Variants in RAB31 observed in about 807,000 individuals in gnomAD.
RAB31 encodes ras-related protein Rab-31.
A neutral mutation model predicts 25.6 loss-of-function variants in RAB31; 21 were observed. The ratio of observed to expected loss-of-function variants is 0.82; its 90% CI spans 0.58 to 1.18. The LOEUF is 1.18. Among genes scored for constraint, RAB31 ranks in the 50% most tolerant of loss-of-function variants. The probability of loss-of-function intolerance (pLI) is 0.00; values close to 1 mark genes in which losing one functional copy is unlikely to be tolerated. For missense variants in RAB31, 196 were observed against 250.1 expected (o/e 0.78, Z 1.46); for synonymous variants, 87 against 84.0 (o/e 1.04, Z -0.20).
At chr18:9,778,678 C>T (rs943493481) in intron 2 of RAB31, among the ~76,000 whole-genome samples, 5 of 152,128 alleles carry the variant, frequency 3.3e-5, no homozygotes, top group Admixed American at 6.5e-5. Flanking sequence ...ACCATGTTGG[C>T]CAGGCTGGTC....
chr18:9,729,926 A>G (rs2068114305), intron 1 of RAB31, among the ~76,000 whole-genome samples: 1 of 152,248 alleles, frequency 6.6e-6, no homozygotes, highest in East Asian at 1.9e-4. Flanking sequence ...ATTCTGTTGC[A>G]TAAAAAGAAT....
intron 1 of RAB31, among the ~76,000 whole-genome samples, chr18:9,763,973 T>C (rs1246911911): frequency 6.6e-6 from 1 of 152,160 alleles, no homozygotes; most frequent in Non-Finnish European, 1.5e-5. Context: ...AAATCTGATA[T>C]GAAATTAGAG....
intron 3 of RAB31, among the ~76,000 whole-genome samples, chr18:9,806,704 C>G (rs904400324): frequency 6.6e-6 from 1 of 152,148 alleles, no homozygotes; most frequent in African/African-American, 2.4e-5. Context: ...ATCAATCACT[C>G]TGATGTTCAG....
intron 1 of RAB31, among the ~76,000 whole-genome samples, chr18:9,773,040 T>C (rs1187326458): frequency 1.3e-5 from 2 of 152,198 alleles, no homozygotes; most frequent in Non-Finnish European, 2.9e-5. Context: ...CTTTGAACTC[T>C]GTGCATCGAT....
intron 1 of RAB31, among the ~76,000 whole-genome samples, chr18:9,769,555 T>G (rs552047865): frequency 6.6e-6 from 1 of 152,374 alleles, no homozygotes; most frequent in South Asian, 2.1e-4. Flanking sequence ...GAGACTTTGC[T>G]GAAGTTGCTT....
intron 5 of RAB31, among the ~76,000 whole-genome samples, chr18:9,839,252 G>A (rs2068720234): frequency 6.6e-6 from 1 of 152,194 alleles, no homozygotes; most frequent in Admixed American, 6.5e-5. Context: ...AGAAGTGGGT[G>A]CAAGAACCCA....
intron 1 of RAB31, among the ~76,000 whole-genome samples, chr18:9,714,916 C>T (rs1275423582): frequency 1.3e-5 from 2 of 152,202 alleles, no homozygotes; most frequent in East Asian, 3.8e-4. Context: ...TACTGACTGT[C>T]ATCCCGCTTA....
At chr18:9,755,313 A>AT (rs1448602341) in intron 1 of RAB31, among the ~76,000 whole-genome samples, 2 of 152,030 alleles carry the variant, frequency 1.3e-5, no homozygotes, top group Non-Finnish European at 2.9e-5. Context: ...CTTAGTCACC[A>AT]TTTTTTACTG....
intron 5 of RAB31, among the ~76,000 whole-genome samples, chr18:9,841,621 A>G (rs1162943724): frequency 6.6e-6 from 1 of 152,070 alleles, no homozygotes; most frequent in Non-Finnish European, 1.5e-5. Context: ...AAATAGAATA[A>G]GTGTTCCCAT....
At chr18:9,742,345 A>G (rs1462265500) in intron 1 of RAB31, among the ~76,000 whole-genome samples, 1 of 152,174 alleles carries the variant, frequency 6.6e-6, no homozygotes, top group Non-Finnish European at 1.5e-5. Flanking sequence ...CCTGGCAGGA[A>G]CAGTCCTCCC....
chr18:9,716,300 A>T (rs993527350), intron 1 of RAB31, among the ~76,000 whole-genome samples: 68 of 151,864 alleles, frequency 4.5e-4, no homozygotes, highest in African/African-American at 1.5e-3. Flanking sequence ...GGCGATCTCG[A>T]GTGGTCTTAT....
chr18:9,814,455 G>A (rs996911614), intron 4 of RAB31, among the ~76,000 whole-genome samples: 3 of 152,266 alleles, frequency 2.0e-5, no homozygotes, highest in African/African-American at 7.2e-5. Flanking sequence ...TAACATTCGT[G>A]TGTATGTAAG....
At chr18:9,713,197 G>A (rs1034084804) in intron 1 of RAB31, among the ~76,000 whole-genome samples, 8 of 152,232 alleles carry the variant, frequency 5.3e-5, no homozygotes, top group Non-Finnish European at 1.0e-4. Flanking sequence ...GTGGAAGGAA[G>A]TAATGCATAG....
chr18:9,811,984 A>G (rs948457274), intron 3 of RAB31, among the ~76,000 whole-genome samples: 1 of 152,230 alleles, frequency 6.6e-6, no homozygotes, highest in Admixed American at 6.5e-5. Context: ...GGAGCTGGGA[A>G]GTCCAAGATC....
At chr18:9,818,547 T>C (rs2068610601) in intron 5 of RAB31, among the ~76,000 whole-genome samples, 1 of 152,224 alleles carries the variant, frequency 6.6e-6, no homozygotes. Context: ...GAATAATATT[T>C]CATTGTATGG....
intron 1 of RAB31, among the ~76,000 whole-genome samples, chr18:9,753,739 T>C (rs1351298556): frequency 6.6e-6 from 1 of 152,200 alleles, no homozygotes; most frequent in East Asian, 1.9e-4. Context: ...ACCCCATTTC[T>C]ACAAGTAGCG....
chr18:9,829,468 T>C (rs2068666610), intron 5 of RAB31, among the ~76,000 whole-genome samples: 2 of 152,240 alleles, frequency 1.3e-5, no homozygotes, highest in Admixed American at 1.3e-4. Context: ...TATTGGTGGA[T>C]ATTTGAGTTA....
chr18:9,752,307 C>T (rs1416300694), intron 1 of RAB31, among the ~76,000 whole-genome samples: 1 of 152,142 alleles, frequency 6.6e-6, no homozygotes, highest in African/African-American at 2.4e-5. Flanking sequence ...TCACTACAAC[C>T]TGTGCCTCCT....
Position 9,791,342 on chromosome 18 carries a change from TG to T in RAB31, c.120-807del, listed in dbSNP as rs1161518716. 5.9e-5 allele frequency among the ~76,000 whole-genome samples: 9 copies of T among 151,364 alleles called. 1 individual carries two copies. The highest frequency in any genetic ancestry group is 2.2e-4 in the African/African-American group (9 of 41,286). On this transcript the variant is annotated intron_variant, in intron 2 of 6. Transcript: ENST00000578921. Reference sequence around the variant, plus strand: ...CAAGGTTGTATTCTTTCCTGAGATCTGGGGGTATTTTAATAATTGAAGCTAA... The same window carrying T: ...CAAGGTTGTATTCTTTCCTGAGATCTGGGGTATTTTAATAATTGAAGCTAA...
Sources: allele counts gnomAD v4.1 joint callset (sites outside exome capture counted in the v4.1 genomes callset), GRCh38; gene constraint gnomAD v4.1.1; transcripts MANE v1.5; gene names NCBI Gene and HGNC (gene_info 2026-07-23, HGNC 2026-07-21).